TTC39B: variants seen among roughly 807,000 people sequenced by gnomAD.
TTC39B encodes the protein tetratricopeptide repeat domain 39B.
A neutral mutation model predicts 96.6 loss-of-function variants in TTC39B; 92 were observed. The ratio of observed to expected loss-of-function variants is 0.95; its 90% CI spans 0.80 to 1.13. TTC39B has a LOEUF of 1.13. TTC39B is among the 50% of genes most tolerant of loss of function. TTC39B has a pLI of 0.00. For missense variants in TTC39B, 955 were observed against 809.3 expected, an observed-to-expected ratio of 1.18 and a Z score of -2.18; for synonymous variants, 367 against 299.4, an observed-to-expected ratio of 1.23 and a Z score of -2.33.
intron 6 of TTC39B, among the ~76,000 whole-genome samples, chr9:15,205,839 C>T (rs1188863298): frequency 2.6e-5 from 4 of 151,734 alleles, no homozygotes; most frequent in Non-Finnish European, 4.4e-5. Context: ...GGAGCCGGGG[C>T]GGAGGGGACT....
intron 8 of TTC39B, among the ~76,000 whole-genome samples, chr9:15,198,461 A>AATATATATATATATATATATAT (rs61517681): frequency 3.4e-5 from 4 of 117,316 alleles, no homozygotes; most frequent in African/African-American, 1.2e-4. Flanking sequence ...CGGTCGCAAA[A>AATATATATATATATATATATAT]ATATATATAT....
intron 8 of TTC39B, among the ~76,000 whole-genome samples, chr9:15,198,689 A>G (rs1255199704): frequency 6.6e-6 from 1 of 151,886 alleles, no homozygotes; most frequent in Non-Finnish European, 1.5e-5. Flanking sequence ...GAAGACAGGA[A>G]AAAAGGGGGA....
intron 3 of TTC39B, among the ~76,000 whole-genome samples, chr9:15,215,345 G>C (rs1820451767): frequency 6.6e-6 from 1 of 152,080 alleles, no homozygotes; most frequent in Admixed American, 6.5e-5. Flanking sequence ...ATCACTTGAG[G>C]TCAGGAGTGA....
chr9:15,298,216 T>C (rs565114418), intron 1 of TTC39B, among the ~76,000 whole-genome samples: 1 of 152,164 alleles, frequency 6.6e-6, no homozygotes, highest in Non-Finnish European at 1.5e-5. Context: ...TCTGAAGCCT[T>C]CATCCTCAGA....
chr9:15,285,766 A>G (rs760502198), intron 1 of TTC39B, among the ~76,000 whole-genome samples: 1 of 152,050 alleles, frequency 6.6e-6, no homozygotes, highest in South Asian at 2.1e-4. Context: ...GAGGCAGGAG[A>G]ATGGCGTGAA....
exon 20 of TTC39B, chr9:15,167,015 TA>T (rs1564299879): frequency 3.6e-3 from 30 of 8,404 alleles, no homozygotes; most frequent in African/African-American, 5.4e-3. Flanking sequence ...TATATATATA[TA>T]TATATATATA....
chr9:15,307,059 G>C (rs1403863396), intron 1 of TTC39B, 25 bp downstream of exon 1: 1 of 1,606,826 alleles, frequency 6.2e-7, no homozygotes, highest in Admixed American at 1.7e-5. Flanking sequence ...CAGGGGCCGG[G>C]CCCGCAATCC....
At chr9:15,201,857 T>C (rs1289105073) in intron 7 of TTC39B, among the ~76,000 whole-genome samples, 1 of 152,128 alleles carries the variant, frequency 6.6e-6, no homozygotes, top group Non-Finnish European at 1.5e-5. Context: ...CCATACTCAA[T>C]CAATCAGAGC....
At chr9:15,244,466 C>T (rs146381174) in intron 2 of TTC39B, among the ~76,000 whole-genome samples, 1 of 152,326 alleles carries the variant, frequency 6.6e-6, no homozygotes, top group Non-Finnish European at 1.5e-5. Context: ...ACAACACCTG[C>T]CCTATGTCCC....
At chr9:15,240,565 T>C (rs560428090) in intron 2 of TTC39B, among the ~76,000 whole-genome samples, 5 of 152,350 alleles carry the variant, frequency 3.3e-5, no homozygotes, top group African/African-American at 1.2e-4. Context: ...AAGTTAAGCA[T>C]ATATTTTGAG....
At chr9:15,190,804 G>T in intron 10 of TTC39B, 142 bp from the exon 11 acceptor site, 1 of 704,380 alleles carries the variant, frequency 1.4e-6, no homozygotes, top group Non-Finnish European at 2.4e-6. Flanking sequence ...GGCTTTTAGT[G>T]TCCCTATCAC....
At chr9:15,172,467 G>T (rs1296909072) in intron 19 of TTC39B, among the ~76,000 whole-genome samples, 1 of 152,084 alleles carries the variant, frequency 6.6e-6, no homozygotes, top group Non-Finnish European at 1.5e-5. Context: ...AAATTTTAAG[G>T]TAGGTGCATA....
intron 1 of TTC39B, among the ~76,000 whole-genome samples, chr9:15,271,962 C>A (rs1411790464): frequency 6.6e-6 from 1 of 152,164 alleles, no homozygotes; most frequent in East Asian, 1.9e-4. Flanking sequence ...CCAGCAAATA[C>A]AGTTTCCTGC....
chr9:15,243,556 T>C (rs1822141825), intron 2 of TTC39B, among the ~76,000 whole-genome samples: 1 of 152,074 alleles, frequency 6.6e-6, no homozygotes, highest in Admixed American at 6.6e-5. Flanking sequence ...GAACCAAAAA[T>C]CAGGTGAGCA....
At chr9:15,301,373 G>A (rs1246424168) in intron 1 of TTC39B, among the ~76,000 whole-genome samples, 1 of 152,194 alleles carries the variant, frequency 6.6e-6, no homozygotes, top group Non-Finnish European at 1.5e-5. Flanking sequence ...CTCCTCAAGG[G>A]TAATAACTGT....
chr9:15,206,324 A>AC (rs1469131467), intron 6 of TTC39B, among the ~76,000 whole-genome samples: 3 of 152,248 alleles, frequency 2.0e-5, no homozygotes, highest in Non-Finnish European at 4.4e-5. Context: ...CCTGTAGACA[A>AC]CCAGACACTC....
At chr9:15,190,759 T>A in intron 10 of TTC39B, 97 bp from the exon 11 acceptor site, 1 of 973,642 alleles carries the variant, frequency 1.0e-6, no homozygotes, top group Non-Finnish European at 1.6e-6. Flanking sequence ...GGGTTACAAG[T>A]ACAGATTTCA....
chr9:15,275,718 GC>G (rs1426236686), intron 1 of TTC39B, among the ~76,000 whole-genome samples: 2 of 152,076 alleles, frequency 1.3e-5, no homozygotes, highest in African/African-American at 4.8e-5. Flanking sequence ...ATAAGGTAAG[GC>G]CCCAAGGTAG....
chr9:15,241,017 C>T (rs1822014200), intron 2 of TTC39B, among the ~76,000 whole-genome samples: 1 of 152,154 alleles, frequency 6.6e-6, no homozygotes, highest in East Asian at 1.9e-4. Context: ...AAGGAATCAG[C>T]CCTCATAGGA....
Sources: allele counts gnomAD v4.1 joint callset (sites outside exome capture counted in the v4.1 genomes callset), GRCh38; gene constraint gnomAD v4.1.1; transcripts MANE v1.5; gene names NCBI Gene and HGNC (gene_info 2026-07-23, HGNC 2026-07-21).